The following IQCM variants were observed in gnomAD, a reference collection of about 807,000 sequenced individuals.
IQCM encodes IQ domain-containing protein M.
In IQCM, 45 loss-of-function variants were observed where a neutral mutation model predicts 57.6. That is an observed-to-expected ratio of 0.78 (90% confidence interval 0.62 to 1.00). The LOEUF (loss-of-function observed/expected upper bound fraction) is 1.00. Among genes scored for constraint, IQCM ranks in the 50% least tolerant of loss-of-function variants. The probability of loss-of-function intolerance (pLI) is 0.00; values close to 1 mark genes in which losing one functional copy is unlikely to be tolerated. For missense variants in IQCM, 468 were observed against 511.6 expected (o/e 0.91, Z 0.82); for synonymous variants, 148 against 158.9 (o/e 0.93, Z 0.51).
At position 149,428,331 on chromosome 4, in the gene IQCM, T is replaced by C. The variant is rs144696666; in HGVS notation, c.1390+5065A>G. Among the ~76,000 whole-genome samples the C allele has an allele frequency of 6.4e-4, 97 of 151,918 alleles. 1 individual carries two copies. In the East Asian group the frequency reaches 0.018, roughly 28 times the overall value. On this transcript the variant is annotated intron_variant, in intron 13 of 13. Coordinates refer to ENST00000636793, the MANE Select transcript of IQCM (RefSeq NM_001363507.2). ...TAAGCAGAACTAGTAGTAGCTAAGATTATATTCACAATAAATCAAACATGT... is the reference window on the plus strand; with the variant it reads ...TAAGCAGAACTAGTAGTAGCTAAGACTATATTCACAATAAATCAAACATGT...
chr4:149,592,575 G>T (rs890926013), intron 8 of IQCM, among the ~76,000 whole-genome samples: 7 of 151,804 alleles, frequency 4.6e-5, no homozygotes, highest in Admixed American at 1.3e-4. Context: ...TTCTTCTAGG[G>T]TTTTTATGGT....
chr4:149,499,690 G>GA (rs1743038584), intron 12 of IQCM, among the ~76,000 whole-genome samples: 1 of 151,912 alleles, frequency 6.6e-6, no homozygotes, highest in Non-Finnish European at 1.5e-5. Context: ...AAGACATTAT[G>GA]AAAAAAATCC....
intron 2 of IQCM, among the ~76,000 whole-genome samples, chr4:149,798,427 A>G (rs1338268980): frequency 2.0e-5 from 3 of 152,178 alleles, no homozygotes; most frequent in Admixed American, 6.6e-5. Context: ...AAGGAAAGCA[A>G]GAAGGAAGTA....
intron 13 of IQCM, among the ~76,000 whole-genome samples, chr4:149,378,187 A>G (rs1730825095): frequency 6.6e-6 from 1 of 152,116 alleles, no homozygotes; most frequent in Non-Finnish European, 1.5e-5. Context: ...AGTCCATTAA[A>G]GGCTCTGTCT....
Position 149,408,673 on chromosome 4 carries a change from T to C in IQCM, c.1390+24723A>G, listed in dbSNP as rs535913094. Reference sequence around the variant, plus strand: ...ATTATCCTCAGTATGTTTGTGTTTATGTATGTGTACACATATCATTGAATA... The same window carrying C: ...ATTATCCTCAGTATGTTTGTGTTTACGTATGTGTACACATATCATTGAATA... On this transcript the variant is annotated intron_variant, in intron 13 of 13. Coordinates refer to ENST00000636793, the MANE Select transcript of IQCM (RefSeq NM_001363507.2). 2.4e-4 allele frequency among the ~76,000 whole-genome samples: 36 copies of C among 152,340 alleles called. 2 individuals carry two copies. Among genetic ancestry groups the C allele is most frequent in the Admixed American group, 2.2e-3 (34 of 15,304 alleles).
At chr4:149,478,471 C>T (rs987221959) in intron 12 of IQCM, among the ~76,000 whole-genome samples, 4 of 152,064 alleles carry the variant, frequency 2.6e-5, no homozygotes, top group Non-Finnish European at 5.9e-5. Context: ...GTTTAGGTAC[C>T]AGGTGAAAAG....
At chr4:149,768,748 T>C (rs1489647154) in intron 2 of IQCM, among the ~76,000 whole-genome samples, 1 of 152,030 alleles carries the variant, frequency 6.6e-6, no homozygotes, top group Non-Finnish European at 1.5e-5. Context: ...GGGAAAATAC[T>C]CTGAGACACG....
chr4:149,690,277 C>G (rs1249760231), intron 5 of IQCM, among the ~76,000 whole-genome samples: 1 of 151,990 alleles, frequency 6.6e-6, no homozygotes, highest in African/African-American at 2.4e-5. Context: ...TTTGCAGCAA[C>G]CTGGATGAGA....
intron 13 of IQCM, among the ~76,000 whole-genome samples, chr4:149,375,851 C>T (rs924559473): frequency 3.3e-5 from 5 of 152,002 alleles, no homozygotes; most frequent in African/African-American, 7.2e-5. Flanking sequence ...AACGAACAAA[C>T]GTCTGTTCAA....
At chr4:149,626,454 A>G (rs1262454596) in intron 7 of IQCM, among the ~76,000 whole-genome samples, 2 of 122,798 alleles carry the variant, frequency 1.6e-5, no homozygotes, top group Admixed American at 1.9e-4. Context: ...AGGAACCAGA[A>G]GTTTGTAGAT....
Position 149,433,491 on chromosome 4 carries a change from T to C in IQCM, c.1295A>G (p.Tyr432Cys). ...SKAIEMLFTL[Y>C]PPEGAHVPDS... ...AGGCACATGTGCACCTTCAGGAGGATAGAGTGTAAATAACATTTCAATTGC... is the reference window on the plus strand; with the variant it reads ...AGGCACATGTGCACCTTCAGGAGGACAGAGTGTAAATAACATTTCAATTGC... Residue 432 changes from tyrosine to cysteine, a missense_variant, in exon 13 of 14, where the codon TAT (tyrosine) becomes TGT (cysteine). By Grantham distance (194) the Tyr-to-Cys change is radical. Coordinates refer to ENST00000636793, the MANE Select transcript of IQCM (RefSeq NM_001363507.2). 6 of 1,211,874 alleles carry C rather than the reference T, an allele frequency of 5.0e-6. No individual in the cohort carries two copies. The highest frequency in any genetic ancestry group is 6.2e-6 in the Non-Finnish European group (6 of 969,880). The allele number at this position is 1,211,874 out of a possible 1,614,324, so 75.1% of individuals were successfully genotyped here. A position where few individuals can be genotyped will look rare whatever the true frequency, so the allele number is the denominator to read the frequency against.
At chr4:149,734,445 T>C (rs896266656) in intron 4 of IQCM, among the ~76,000 whole-genome samples, 1 of 152,156 alleles carries the variant, frequency 6.6e-6, no homozygotes, top group Non-Finnish European at 1.5e-5. Flanking sequence ...AGTTAAGCAA[T>C]GCGTACAATG....
intron 5 of IQCM, among the ~76,000 whole-genome samples, chr4:149,717,594 C>T (rs1055938403): frequency 5.3e-5 from 8 of 152,098 alleles, no homozygotes; most frequent in African/African-American, 1.7e-4. Context: ...AGTTCAGCCT[C>T]AAATGTTTAA....
chr4:149,640,108 T>C (rs971970253), intron 7 of IQCM, among the ~76,000 whole-genome samples: 1 of 152,224 alleles, frequency 6.6e-6, no homozygotes, highest in Admixed American at 6.5e-5. Flanking sequence ...ATTCTTGTGG[T>C]TATTTTAAAT....
Position 149,548,568 on chromosome 4 carries a change from T to TTAGCAAACATTA in IQCM, c.1103_1114dup (p.Ile368_Ala371dup). 1 of 1,225,354 alleles carries TTAGCAAACATTA rather than the reference T, an allele frequency of 8.2e-7. No homozygotes were observed. The highest frequency in any genetic ancestry group is 1.0e-6 in the Non-Finnish European group (1 of 981,816). The allele number at this position is 1,225,354 out of a possible 1,614,324, so 75.9% of individuals were successfully genotyped here. ...TTCAATTTTTGGCCAATCTTCCCTC[T>TTAGCAAACATTA]TAGCAAACATTATTTCATAGACTAA... On this transcript the variant is annotated inframe_insertion, in exon 12 of 14. Coordinates refer to ENST00000636793, the MANE Select transcript of IQCM (RefSeq NM_001363507.2).
At chr4:149,621,070 G>C in intron 8 of IQCM, 59 bp downstream of exon 8, 1 of 746,956 alleles carries the variant, frequency 1.3e-6, no homozygotes, top group Non-Finnish European at 1.8e-6. Flanking sequence ...CAAAATTAAT[G>C]CAATAATTTA....
intron 7 of IQCM, among the ~76,000 whole-genome samples, chr4:149,670,114 G>A (rs1761122486): frequency 6.6e-6 from 1 of 152,174 alleles, no homozygotes; most frequent in Non-Finnish European, 1.5e-5. Flanking sequence ...CATGAGCATG[G>A]CATGTTCTTG....
intron 13 of IQCM, among the ~76,000 whole-genome samples, chr4:149,399,052 T>C (rs949219999): frequency 5.9e-5 from 9 of 152,206 alleles, no homozygotes; most frequent in Non-Finnish European, 1.3e-4. Context: ...TTATTCTTGA[T>C]GGATATTTGG....
At chr4:149,454,541 T>C (rs1737477833) in intron 12 of IQCM, among the ~76,000 whole-genome samples, 1 of 151,788 alleles carries the variant, frequency 6.6e-6, no homozygotes. Context: ...AGTGATGAAA[T>C]AGTATGTGCA....
Sources: allele counts gnomAD v4.1 joint callset (sites outside exome capture counted in the v4.1 genomes callset), GRCh38; gene constraint gnomAD v4.1.1; transcripts MANE v1.5; gene names NCBI Gene and HGNC (gene_info 2026-07-23, HGNC 2026-07-21).